The following ZFAND3 variants were observed in gnomAD, a reference collection of about 807,000 sequenced individuals.
The protein encoded by ZFAND3 is zinc finger AN1-type containing 3.
Under a neutral mutation model 29.6 loss-of-function variants are expected in ZFAND3, and 10 were observed. The observed-to-expected ratio is 0.34, with a 90% CI of 0.21 to 0.57. The LOEUF (loss-of-function observed/expected upper bound fraction) is 0.57, where lower values mean the gene tolerates loss of function less well. Among genes scored for constraint, ZFAND3 ranks in the 20% least tolerant of loss-of-function variants. The probability of loss-of-function intolerance (pLI) is 0.86; values close to 1 mark genes in which losing one functional copy is unlikely to be tolerated. For synonymous variants in ZFAND3, 128 were observed against 112.6 expected, an observed-to-expected ratio of 1.14 and a Z score of -0.87; for missense variants, 230 against 304.5, an observed-to-expected ratio of 0.76 and a Z score of 1.82.
intron 5 of ZFAND3, among the ~76,000 whole-genome samples, chr6:38,144,231 A>ATAATATATATATATTT (rs1365246829): frequency 5.3e-5 from 4 of 75,282 alleles, no homozygotes; most frequent in South Asian, 4.2e-4. Flanking sequence ...ATATATATAT[A>ATAATATATATATATTT]TTTTTTTTTT....
At chr6:37,907,293 A>AT (rs1356090809) in intron 1 of ZFAND3, among the ~76,000 whole-genome samples, 1 of 152,130 alleles carries the variant, frequency 6.6e-6, no homozygotes, top group Non-Finnish European at 1.5e-5. Flanking sequence ...TAGTTCAGTG[A>AT]TTTTTAGTCA....
intron 2 of ZFAND3, among the ~76,000 whole-genome samples, chr6:37,993,744 TAAAA>T (rs898441363): frequency 6.6e-6 from 1 of 152,004 alleles, no homozygotes; most frequent in Admixed American, 6.6e-5. Context: ...GAATTTAAAG[TAAAA>T]AAAAGTTTTC....
intron 1 of ZFAND3, among the ~76,000 whole-genome samples, chr6:37,844,498 G>T (rs1307134255): frequency 6.7e-6 from 1 of 149,210 alleles, no homozygotes; most frequent in Non-Finnish European, 1.5e-5. Flanking sequence ...AGCCAGGATG[G>T]TCTTGACCTC....
At chr6:38,013,821 T>TA (rs1223699084) in intron 2 of ZFAND3, among the ~76,000 whole-genome samples, 1 of 152,194 alleles carries the variant, frequency 6.6e-6, no homozygotes, top group Non-Finnish European at 1.5e-5. Flanking sequence ...TCAGTATTTT[T>TA]AAAAAAGACA....
At chr6:38,054,218 C>CA (rs34198332) in intron 2 of ZFAND3, among the ~76,000 whole-genome samples, 39,116 of 111,832 alleles carry the variant, frequency 0.35, 7,341 homozygotes, top group Admixed American at 0.45. Context: ...CCATCTCTAT[C>CA]AAAAAAAAAA....
At chr6:38,133,302 G>A (rs1251862876) in intron 5 of ZFAND3, among the ~76,000 whole-genome samples, 2 of 152,132 alleles carry the variant, frequency 1.3e-5, no homozygotes, top group East Asian at 1.9e-4. Context: ...CCTGGCGTGC[G>A]GTGACACATT....
At chr6:37,886,280 A>AAAAAAAAAAAAAAATAAAAAAAAAAAAAC (rs1561922411) in intron 1 of ZFAND3, among the ~76,000 whole-genome samples, 1 of 128,866 alleles carries the variant, frequency 7.8e-6, no homozygotes, top group African/African-American at 3.0e-5. Context: ...AAAAAAAAAA[A>AAAAAAAAAAAAAAATAAAAAAAAAAAAAC]AGTTCAAAGA....
rs115142614 is a variant in ZFAND3 at position 38,116,825 on chromosome 6, C to T, written c.529+86C>T. On this transcript the variant is annotated intron_variant, in intron 5 of 5. Transcript: ENST00000287218. ...GGAAATTTAAGTGGCTGAAGTCTTT[C>T]GTTCTTCTTCTGAGTACTGTAAGTT... 9.8e-4 allele frequency: 1,478 copies of T among 1,507,102 alleles called. 14 individuals are homozygous for T. In the African/African-American group the frequency reaches 0.015, roughly 16 times the overall value. 93.4% of individuals were successfully genotyped at this position (1,507,102 alleles called of 1,614,324 possible).
At position 37,863,450 on chromosome 6, in the gene ZFAND3, T is replaced by G. The variant is rs535048217; in HGVS notation, c.71+43434T>G. ...AACCTACAGGTAGTTTAAACTGTAATTATTAAAAACAGAAGTGCTACATCA... is the reference window on the plus strand; with the variant it reads ...AACCTACAGGTAGTTTAAACTGTAAGTATTAAAAACAGAAGTGCTACATCA... On this transcript the variant is annotated intron_variant, in intron 1 of 5. Coordinates refer to ENST00000287218, the MANE Select transcript of ZFAND3 (RefSeq NM_021943.3). 7.9e-5 allele frequency among the ~76,000 whole-genome samples: 12 copies of G among 152,310 alleles called. No individual in the cohort carries two copies. The South Asian group carries it at 2.3e-3, about 29-fold the overall frequency.
chr6:37,883,540 C>CT (rs1208088100), intron 1 of ZFAND3, among the ~76,000 whole-genome samples: 1 of 117,650 alleles, frequency 8.5e-6, no homozygotes, highest in African/African-American at 4.7e-5. Context: ...CTTTTCTTTT[C>CT]TTTCTTTCTT....
At chr6:37,884,421 G>T (rs2127393340) in intron 1 of ZFAND3, among the ~76,000 whole-genome samples, 1 of 140,366 alleles carries the variant, frequency 7.1e-6, no homozygotes, top group East Asian at 2.0e-4. Context: ...TTGAACCTGG[G>T]AGGCGGAGAT....
At chr6:37,955,650 A>C (rs1335345857) in intron 2 of ZFAND3, among the ~76,000 whole-genome samples, 2 of 152,176 alleles carry the variant, frequency 1.3e-5, no homozygotes, top group African/African-American at 4.8e-5. Context: ...TGAAATAGGG[A>C]ATTAAATGAT....
chr6:37,998,200 A>G (rs1031953744), intron 2 of ZFAND3, among the ~76,000 whole-genome samples: 1 of 152,252 alleles, frequency 6.6e-6, no homozygotes, highest in Admixed American at 6.5e-5. Context: ...AACCTGATTC[A>G]AAAAGGCTGC....
intron 5 of ZFAND3, 104 bp downstream of exon 5, chr6:38,116,843 T>G: frequency 6.9e-7 from 1 of 1,443,336 alleles, no homozygotes; most frequent in Non-Finnish European, 9.3e-7. Flanking sequence ...TTCTGAGTAC[T>G]GTAAGTTTGC....
At position 38,117,718 on chromosome 6, in the gene ZFAND3, GAAGATATCCTAC is replaced by G. The variant is rs1248386741; in HGVS notation, c.529+983_529+994del. ...GCCCCCTTTCACTTCTGGGACAGCCGAAGATATCCTACAAGTACTATTGCTGACAGTCAGGAC... is the reference window on the plus strand; with the variant it reads ...GCCCCCTTTCACTTCTGGGACAGCCGAAGTACTATTGCTGACAGTCAGGAC... On this transcript the variant is annotated intron_variant, in intron 5 of 5. Coordinates refer to ENST00000287218, the MANE Select transcript of ZFAND3 (RefSeq NM_021943.3). Among the ~76,000 whole-genome samples the G allele has an allele frequency of 6.6e-5, 10 of 152,164 alleles. No homozygotes were observed. The East Asian group carries it at 1.9e-3, about 29-fold the overall frequency.
chr6:37,829,937 T>A (rs143638369), intron 1 of ZFAND3, among the ~76,000 whole-genome samples: 8 of 152,308 alleles, frequency 5.3e-5, no homozygotes, highest in African/African-American at 1.9e-4. Flanking sequence ...CTTTAGGGGA[T>A]CTCAAAAATC....
At chr6:37,871,163 C>T (rs1475982582) in intron 1 of ZFAND3, among the ~76,000 whole-genome samples, 1 of 152,160 alleles carries the variant, frequency 6.6e-6, no homozygotes, top group African/African-American at 2.4e-5. Flanking sequence ...CAGTACTCTT[C>T]AGTTTTCTTA....
At chr6:37,927,739 G>C (rs1388106160) in intron 1 of ZFAND3, among the ~76,000 whole-genome samples, 2 of 152,216 alleles carry the variant, frequency 1.3e-5, no homozygotes, top group African/African-American at 4.8e-5. Flanking sequence ...CTTTCTCAGG[G>C]AACTGACTTG....
intron 1 of ZFAND3, among the ~76,000 whole-genome samples, chr6:37,912,026 T>TTGTGTG (rs1765529849): frequency 8.8e-6 from 1 of 113,652 alleles, no homozygotes; most frequent in African/African-American, 3.6e-5. Flanking sequence ...TGCCAGTCTT[T>TTGTGTG]TATCTGTGTG....
Sources: allele counts gnomAD v4.1 joint callset (sites outside exome capture counted in the v4.1 genomes callset), GRCh38; gene constraint gnomAD v4.1.1; transcripts MANE v1.5; gene names NCBI Gene and HGNC (gene_info 2026-07-23, HGNC 2026-07-21).